DENND4A: variants seen among roughly 807,000 people sequenced by gnomAD.
DENND4A encodes C-myc promoter-binding protein.
DENND4A carries 70 observed loss-of-function variants against 199.3 expected under a neutral mutation model. That is an observed-to-expected ratio of 0.35 (90% CI 0.29 to 0.43). The LOEUF is 0.43. Among genes scored for constraint, DENND4A ranks in the 20% least tolerant of loss-of-function variants. The pLI is 1.00. For synonymous variants in DENND4A, 686 were observed against 766.9 expected (o/e 0.89, Z 1.74); for missense variants, 1,723 against 2,255.8 (o/e 0.76, Z 4.78).
intron 12 of DENND4A, among the ~76,000 whole-genome samples, chr15:65,718,714 C>G (rs1485363848): frequency 2.2e-5 from 3 of 137,094 alleles, no homozygotes; most frequent in African/African-American, 7.9e-5. Flanking sequence ...GAAAATATTT[C>G]AAAAACTGCC....
intron 1 of DENND4A, among the ~76,000 whole-genome samples, chr15:65,782,299 C>T (rs1025148119): frequency 3.9e-5 from 6 of 152,176 alleles, no homozygotes; most frequent in Admixed American, 3.9e-4. Context: ...TCTTTCCTCA[C>T]TCAGCTCTTC....
At chr15:65,701,351 G>A (rs530881715) in intron 18 of DENND4A, among the ~76,000 whole-genome samples, 159 bp from the exon 19 acceptor site, 1 of 152,262 alleles carries the variant, frequency 6.6e-6, no homozygotes, top group Non-Finnish European at 1.5e-5. Flanking sequence ...TGGATCACTT[G>A]AGCCCAGGAA....
Position 65,706,108 on chromosome 15 carries a change from T to C in DENND4A, c.2070A>G (p.Glu690=). ...PEIPHLPNGE[E]PPLQYSYNGF... is the part of the protein sequence containing the mutation. ...TTGAATACCTGTACTGTAAAGGGGG[T>C]TCTTCACCATTGGGTAGGTGGGGGA... Residue 690 remains glutamate (E), a synonymous_variant, in exon 15 of 33, where the codon GAA becomes GAG. Transcript: ENST00000443035. 1 of 1,600,816 alleles carries C rather than the reference T, an allele frequency of 6.2e-7. No homozygotes were observed. The highest frequency in any genetic ancestry group is 8.5e-7 in the Non-Finnish European group (1 of 1,174,002).
rs75813259 is a variant in DENND4A, at chr15:65,683,382, C to A, written c.4180-6748G>T. 9.7e-3 allele frequency among the ~76,000 whole-genome samples: 1,476 copies of A among 152,176 alleles called. 26 individuals are homozygous for A. The highest frequency in any genetic ancestry group is 0.034 in the African/African-American group (1,407 of 41,532). On this transcript the variant is annotated intron_variant, in intron 23 of 32. Transcript: ENST00000443035. ...TATGCTTTCCATCTTTTCAGTTTTA[C>A]TGATTTTTGCTCCATGTTTATTACT...
chr15:65,729,413 C>CA (rs1249083873), intron 10 of DENND4A, 121 bp downstream of exon 10: 6 of 1,446,820 alleles, frequency 4.1e-6, no homozygotes, highest in Non-Finnish European at 5.6e-6. Flanking sequence ...AAACTGCTTT[C>CA]AAAAAACACA....
At chr15:65,774,693 A>G (rs755678667) in intron 1 of DENND4A, among the ~76,000 whole-genome samples, 3 of 151,866 alleles carry the variant, frequency 2.0e-5, no homozygotes, top group Non-Finnish European at 4.4e-5. Flanking sequence ...AAAAATAAAA[A>G]TAAGATGTTT....
At chr15:65,662,381 CA>C (rs1459455509) in intron 32 of DENND4A, among the ~76,000 whole-genome samples, 2 of 152,112 alleles carry the variant, frequency 1.3e-5, no homozygotes, top group African/African-American at 4.8e-5. Context: ...TTTGCTTCAA[CA>C]GAAATTTTTT....
At chr15:65,751,321 A>G (rs1273688947) in intron 4 of DENND4A, among the ~76,000 whole-genome samples, 1 of 152,222 alleles carries the variant, frequency 6.6e-6, no homozygotes, top group East Asian at 1.9e-4. Flanking sequence ...AGTTACTAGA[A>G]GAATGGAATT....
At chr15:65,771,443 T>C in intron 1 of DENND4A, 1 of 1,600,050 alleles carries the variant, frequency 6.2e-7, no homozygotes. Context: ...GTTTTCTGTC[T>C]GCGTTTTAAT....
rs560509050 is a variant in DENND4A at position 65,660,249 on chromosome 15, C to A, written c.*1602G>T. The A allele has an allele frequency of 1.3e-6, 2 of 1,525,710 alleles. No individual in the cohort carries two copies. Among genetic ancestry groups the A allele is most frequent in the East Asian group, 4.9e-5 (2 of 40,850 alleles). The allele number at this position is 1,525,710 out of a possible 1,614,324, so 94.5% of individuals were successfully genotyped here. On this transcript the variant is annotated 3_prime_UTR_variant, in exon 33 of 33. Transcript: ENST00000443035. ...CAGCCCCAAACTAACTGAAGTTTTA[C>A]ATTTTTAAACTCTCTCCATTATTTC...
chr15:65,766,782 T>TA (rs1274242170), intron 1 of DENND4A: 1 of 152,216 alleles, frequency 6.6e-6, no homozygotes, highest in Non-Finnish European at 1.5e-5. Flanking sequence ...CTATCCTGGC[T>TA]AAGTTCCAGA....
intron 23 of DENND4A, among the ~76,000 whole-genome samples, chr15:65,684,237 A>T (rs1373605373): frequency 6.6e-6 from 1 of 152,184 alleles, no homozygotes; most frequent in Admixed American, 6.5e-5. Context: ...GATTATTTAG[A>T]GTGGAACTGC....
chr15:65,754,190 A>T (rs990107152), intron 3 of DENND4A, among the ~76,000 whole-genome samples: 3 of 151,336 alleles, frequency 2.0e-5, no homozygotes, highest in South Asian at 2.1e-4. Flanking sequence ...TCAACAAATT[A>T]AAAAAAAATC....
chr15:65,696,698 T>G, intron 21 of DENND4A: 1 of 379,440 alleles, frequency 2.6e-6, no homozygotes, highest in Non-Finnish European at 4.9e-6. Flanking sequence ...AACTACTGAA[T>G]ACTGATCATG....
At chr15:65,693,055 TTAC>T (rs1351660822) in intron 22 of DENND4A, among the ~76,000 whole-genome samples, 4 of 152,136 alleles carry the variant, frequency 2.6e-5, no homozygotes, top group Non-Finnish European at 5.9e-5. Flanking sequence ...CCTGAAATAC[TTAC>T]TATTCGGCCT....
At chr15:65,749,817 G>A (rs1438100882) in intron 4 of DENND4A, among the ~76,000 whole-genome samples, 1 of 152,136 alleles carries the variant, frequency 6.6e-6, no homozygotes, top group African/African-American at 2.4e-5. Flanking sequence ...TGCCTGCTGG[G>A]AGTAAAAACT....
At position 65,683,873 on chromosome 15, in the gene DENND4A, TTTACAG is replaced by T. The variant is rs1478679522; in HGVS notation, c.4179+6536_4179+6541del. Among the ~76,000 whole-genome samples the T allele has an allele frequency of 2.2e-4, 33 of 152,318 alleles. No homozygotes were observed. The East Asian group carries it at 3.9e-3, about 18-fold the overall frequency. ...ACCCCAGTAAGATACCTCATGCCCATTTACAGTTAATCTCCATTGCCTTCCTAACAC... is the reference window on the plus strand; with the variant it reads ...ACCCCAGTAAGATACCTCATGCCCATTTAATCTCCATTGCCTTCCTAACAC... On this transcript the variant is annotated intron_variant, in intron 23 of 32. Transcript: ENST00000443035.
At chr15:65,783,440 A>G (rs956445891) in intron 1 of DENND4A, among the ~76,000 whole-genome samples, 6 of 152,232 alleles carry the variant, frequency 3.9e-5, no homozygotes, top group Non-Finnish European at 8.8e-5. Flanking sequence ...ATAGATACAG[A>G]TAATAGTTAT....
intron 22 of DENND4A, among the ~76,000 whole-genome samples, chr15:65,692,074 A>T (rs933996472): frequency 2.0e-5 from 3 of 150,620 alleles, no homozygotes; most frequent in Admixed American, 1.3e-4. Context: ...AAGTGCTAGG[A>T]TTATAGGCTT....
Sources: allele counts gnomAD v4.1 joint callset (sites outside exome capture counted in the v4.1 genomes callset), GRCh38; gene constraint gnomAD v4.1.1; transcripts MANE v1.5; gene names NCBI Gene and HGNC (gene_info 2026-07-23, HGNC 2026-07-21).